Variants in SV2C observed in about 807,000 individuals in gnomAD.
The protein encoded by SV2C is solute carrier family 22 member B3.
A neutral mutation model predicts 79.7 loss-of-function variants in SV2C; 49 were observed. The ratio of observed to expected loss-of-function variants is 0.61; its 90% confidence interval spans 0.49 to 0.78. SV2C has a LOEUF of 0.78. Among genes scored for constraint, SV2C ranks in the 30% least tolerant of loss-of-function variants. The pLI is 0.00. For missense variants in SV2C, 833 were observed against 912.9 expected (o/e 0.91, Z 1.13); for synonymous variants, 334 against 333.2 (o/e 1.00, Z -0.03).
At chr5:76,036,959 C>T in the SV2C span, among the ~76,000 whole-genome samples, 1 of 152,052 alleles carries the variant, frequency 6.6e-6, no homozygotes, top group East Asian at 1.9e-4. Flanking sequence ...TATTCTTTTT[C>T]CTCTAAACTT....
the SV2C span, among the ~76,000 whole-genome samples, chr5:75,936,372 CT>C: frequency 3.3e-5 from 5 of 152,202 alleles, no homozygotes; most frequent in Non-Finnish European, 1.5e-5. Context: ...CTGGAAAATA[CT>C]TTGGAGAAAG....
At chr5:75,995,016 G>T in the SV2C span, among the ~76,000 whole-genome samples, 15 of 152,274 alleles carry the variant, frequency 9.9e-5, no homozygotes, top group South Asian at 3.1e-3. Context: ...GAGCTCCCAT[G>T]TCTGAGGGCA....
chr5:76,127,940 C>T (rs1748764596), intron 1 of SV2C, among the ~76,000 whole-genome samples: 1 of 152,180 alleles, frequency 6.6e-6, no homozygotes. Flanking sequence ...CTCCCTGACT[C>T]CCTTACTCTT....
the SV2C span, among the ~76,000 whole-genome samples, chr5:76,012,358 A>G: frequency 6.6e-6 from 1 of 152,224 alleles, no homozygotes; most frequent in Non-Finnish European, 1.5e-5. Flanking sequence ...GCTAATGACC[A>G]GTGATGATGA....
chr5:76,183,701 A>G (rs1049688795), intron 2 of SV2C, among the ~76,000 whole-genome samples: 2 of 152,082 alleles, frequency 1.3e-5, no homozygotes, highest in Non-Finnish European at 2.9e-5. Context: ...TGAATTCCAC[A>G]TTCCGTCTAC....
chr5:76,268,019 C>G (rs1431590575), intron 4 of SV2C, among the ~76,000 whole-genome samples: 1 of 152,170 alleles, frequency 6.6e-6, no homozygotes, highest in Admixed American at 6.5e-5. Flanking sequence ...GAGGGGAATA[C>G]ATTTTCAACG....
At chr5:75,859,582 A>G in the SV2C span, among the ~76,000 whole-genome samples, 2 of 152,170 alleles carry the variant, frequency 1.3e-5, no homozygotes, top group African/African-American at 4.8e-5. Context: ...TGAGACACCC[A>G]TGGGGAGCCA....
At chr5:76,011,775 A>C in the SV2C span, among the ~76,000 whole-genome samples, 440 of 152,138 alleles carry the variant, frequency 2.9e-3, 5 homozygotes, top group South Asian at 0.018. Context: ...CCCACCTCAC[A>C]ACAGGCCCCA....
At chr5:76,056,444 T>C in the SV2C span, among the ~76,000 whole-genome samples, 1 of 152,146 alleles carries the variant, frequency 6.6e-6, no homozygotes, top group African/African-American at 2.4e-5. Context: ...GATATTGGCA[T>C]GAAGTTTTCT....
intron 12 of SV2C, among the ~76,000 whole-genome samples, chr5:76,318,156 A>C (rs1327431385): frequency 1.3e-5 from 2 of 152,210 alleles, no homozygotes; most frequent in Admixed American, 1.3e-4. Context: ...GCAGTGGCTC[A>C]TGCCGGTAAT....
intron 2 of SV2C, among the ~76,000 whole-genome samples, chr5:76,172,388 T>A (rs1381953172): frequency 8.9e-5 from 5 of 56,130 alleles, no homozygotes; most frequent in East Asian, 2.0e-3. Context: ...GGAGCCCCTC[T>A]GCCCGGCCAG....
the SV2C span, among the ~76,000 whole-genome samples, chr5:76,039,302 C>G: frequency 6.6e-6 from 1 of 152,192 alleles, no homozygotes; most frequent in Non-Finnish European, 1.5e-5. Context: ...CATGGGGAGG[C>G]TAATCCTACT....
chr5:75,896,321 T>C, the SV2C span, among the ~76,000 whole-genome samples: 13 of 151,820 alleles, frequency 8.6e-5, no homozygotes, highest in Non-Finnish European at 1.8e-4. Context: ...GTGTTTGGTT[T>C]TTTGTTCTTG....
At chr5:76,291,435 G>A in intron 7 of SV2C, 104 bp downstream of exon 7, 1 of 878,620 alleles carries the variant, frequency 1.1e-6, no homozygotes, top group South Asian at 1.9e-5. Context: ...GTTCTTTCCT[G>A]CTGCCCAGGA....
chr5:75,878,211 C>G, the SV2C span, among the ~76,000 whole-genome samples: 2 of 152,008 alleles, frequency 1.3e-5, no homozygotes, highest in Non-Finnish European at 2.9e-5. Context: ...ATATGAATAC[C>G]AATATCTAAG....
chr5:76,016,525 C>T, the SV2C span, among the ~76,000 whole-genome samples: 4 of 152,100 alleles, frequency 2.6e-5, no homozygotes, highest in African/African-American at 9.7e-5. Flanking sequence ...GAACTTGAAA[C>T]CTCTCAGTAT....
At chr5:76,191,890 G>A (rs1392659085) in intron 2 of SV2C, among the ~76,000 whole-genome samples, 3 of 152,186 alleles carry the variant, frequency 2.0e-5, no homozygotes, top group Non-Finnish European at 4.4e-5. Flanking sequence ...GGACACAAGA[G>A]TCACAGCCTG....
At chr5:76,127,924 G>T (rs1391988743) in intron 1 of SV2C, among the ~76,000 whole-genome samples, 1 of 152,018 alleles carries the variant, frequency 6.6e-6, no homozygotes, top group Non-Finnish European at 1.5e-5. Flanking sequence ...GCTCCCTCCC[G>T]CCCTGCTCCC....
the SV2C span, among the ~76,000 whole-genome samples, chr5:75,904,667 C>T: frequency 1.4e-4 from 22 of 152,302 alleles, no homozygotes; most frequent in Non-Finnish European, 1.9e-4. Flanking sequence ...CAAGCTTACA[C>T]CATAACTTCT....
Sources: gnomAD v4.1 joint callset for allele counts (sites outside exome capture counted in the v4.1 genomes callset) on GRCh38, gnomAD v4.1.1 for gene constraint, MANE v1.5 for transcripts, NCBI Gene and HGNC (gene_info 2026-07-23, HGNC 2026-07-21) for gene names.